Variants in NXPE2 observed in about 807,000 individuals in gnomAD.
NXPE2 encodes the protein NXPE family member 2.
A neutral mutation model predicts 34.4 loss-of-function variants in NXPE2; 34 were observed. That is an observed-to-expected ratio of 0.99 (90% confidence interval 0.75 to 1.31). The LOEUF (loss-of-function observed/expected upper bound fraction) is 1.31. NXPE2 is among the 40% of genes most tolerant of loss of function. NXPE2 has a pLI of 0.00. For missense variants in NXPE2, 649 were observed against 672.5 expected, an observed-to-expected ratio of 0.97 and a Z score of 0.39; for synonymous variants, 235 against 231.3, an observed-to-expected ratio of 1.02 and a Z score of -0.15.
the NXPE2 span, among the ~76,000 whole-genome samples, chr11:114,477,857 A>G: frequency 2.6e-5 from 4 of 151,980 alleles, no homozygotes; most frequent in African/African-American, 9.7e-5. Context: ...TCTTTTTCTT[A>G]GAGCATGGTA....
chr11:114,696,454 C>G (rs1462320358), intron 2 of NXPE2, among the ~76,000 whole-genome samples: 1 of 150,916 alleles, frequency 6.6e-6, no homozygotes, highest in Admixed American at 6.6e-5. Context: ...ATAGATATAC[C>G]ATGCAAATCC....
At chr11:114,468,135 A>T in the NXPE2 span, among the ~76,000 whole-genome samples, 1 of 76,874 alleles carries the variant, frequency 1.3e-5, no homozygotes, top group African/African-American at 5.8e-5. Flanking sequence ...ATGAGCTAAA[A>T]AAAAAAAAAA....
At chr11:114,717,127 C>T in the NXPE2 span, among the ~76,000 whole-genome samples, 1 of 152,140 alleles carries the variant, frequency 6.6e-6, no homozygotes, top group Non-Finnish European at 1.5e-5. Context: ...TTTAGACTGA[C>T]GTACCTGGTT....
chr11:114,510,901 A>G, the NXPE2 span, among the ~76,000 whole-genome samples: 1 of 152,160 alleles, frequency 6.6e-6, no homozygotes, highest in Admixed American at 6.5e-5. Flanking sequence ...AAGGTGTACT[A>G]CTTGGCTCAA....
At chr11:114,650,727 A>G in the NXPE2 span, among the ~76,000 whole-genome samples, 1 of 152,180 alleles carries the variant, frequency 6.6e-6, no homozygotes, top group Non-Finnish European at 1.5e-5. Flanking sequence ...ACCCAAGACC[A>G]ACCATGGATA....
At chr11:114,530,438 C>T in the NXPE2 span, 1,608 of 1,614,200 alleles carry the variant, frequency 1.0e-3, 19 homozygotes, top group Admixed American at 0.02. Flanking sequence ...TCCAGAGAGC[C>T]GACGCCCCTT....
At chr11:114,540,970 A>G in the NXPE2 span, among the ~76,000 whole-genome samples, 1 of 144,478 alleles carries the variant, frequency 6.9e-6, no homozygotes, top group African/African-American at 2.6e-5. Flanking sequence ...AGAGAAGGTC[A>G]TGCCGCAATT....
chr11:114,706,537 C>T lies in NXPE2; in HGVS notation c.1287C>T (p.Asn429=). The T allele has an allele frequency of 6.4e-7, 1 of 1,551,836 alleles. No individual in the cohort carries two copies. The highest frequency in any genetic ancestry group is 8.7e-7 in the Non-Finnish European group (1 of 1,146,996). Reference sequence around the variant, plus strand: ...AATTATTCTCAGTGAAAGATGAAAACTATATCCCACGGGAAATTGACCAGG... The same window carrying T: ...AATTATTCTCAGTGAAAGATGAAAATTATATCCCACGGGAAATTGACCAGG... ...TKKLFSVKDE[N]YIPREIDQVA... Residue 429 remains asparagine, a synonymous_variant, in exon 6 of 6, where the codon AAC becomes AAT. Transcript: ENST00000389586.
chr11:114,788,991 C>T, the NXPE2 span, among the ~76,000 whole-genome samples: 1 of 152,184 alleles, frequency 6.6e-6, no homozygotes, highest in African/African-American at 2.4e-5. Context: ...TTCCCTCAGT[C>T]TTTGCCAATA....
chr11:114,707,024 T>C lies in NXPE2; in HGVS notation c.*94T>C, dbSNP rs944434665. Reference sequence around the variant, plus strand: ...AATGCAATCCAAGTTTTGAGGAAACTAAATTTGAAAAAGTTCTATTAAAGT... The same window carrying C: ...AATGCAATCCAAGTTTTGAGGAAACCAAATTTGAAAAAGTTCTATTAAAGT... On this transcript the variant is annotated 3_prime_UTR_variant, in exon 6 of 6. Transcript: ENST00000389586. 5 of 999,782 alleles carry C rather than the reference T, an allele frequency of 5.0e-6. No individual in the cohort carries two copies. Among genetic ancestry groups the C allele is most frequent in the Admixed American group, 5.8e-5 (2 of 34,262 alleles). 61.9% of individuals were successfully genotyped at this position (999,782 alleles called of 1,614,324 possible).
chr11:114,679,756 C>A lies in NXPE2; in HGVS notation c.126C>A (p.His42Gln). 1 of 1,538,860 alleles carries A rather than the reference C, an allele frequency of 6.5e-7. No individual in the cohort carries two copies. The highest frequency in any genetic ancestry group is 8.8e-7 in the Non-Finnish European group (1 of 1,135,982). Reference sequence around the variant, plus strand: ...TCATTTACTTGGCTTCAAAAGACCACACAAAGGTAGGAAGTTTCATTTTTA... The same window carrying A: ...TCATTTACTTGGCTTCAAAAGACCAAACAAAGGTAGGAAGTTTCATTTTTA... ...FWIIYLASKD[H>Q]TKFSFNLENH... Residue 42 changes from histidine (H) to glutamine (Q), a missense_variant, in exon 2 of 6, where the codon CAC becomes CAA. Coordinates refer to ENST00000389586, the MANE Select transcript of NXPE2 (RefSeq NM_182495.6).
chr11:114,576,975 T>TTATATA, the NXPE2 span, among the ~76,000 whole-genome samples: 1 of 128,164 alleles, frequency 7.8e-6, no homozygotes, highest in Non-Finnish European at 1.6e-5. Flanking sequence ...AAGAAGATGT[T>TTATATA]TATATATATA....
chr11:114,715,191 C>G, the NXPE2 span, among the ~76,000 whole-genome samples: 2 of 152,118 alleles, frequency 1.3e-5, no homozygotes, highest in Non-Finnish European at 2.9e-5. Flanking sequence ...AAAGAATATA[C>G]ACATAAAATA....
At position 114,698,442 on chromosome 11, in the gene NXPE2, T is replaced by A; in HGVS notation, c.530T>A (p.Val177Asp). 6.2e-7 allele frequency: 1 copy of A among 1,613,966 alleles called. No homozygotes were observed. Among genetic ancestry groups the A allele is most frequent in the Non-Finnish European group, 8.5e-7 (1 of 1,179,916 alleles). The part of the protein sequence containing the change: ...VTDFNNGTYL[V>D]SFTLFWEGQV... ...GACTTCAACAACGGCACCTACCTGG[T>A]CAGCTTCACTCTGTTCTGGGAGGGC... The change falls in exon 3 of 6, where the codon GTC (valine) becomes GAC (aspartate). Residue 177 changes from valine to aspartate, a missense_variant. Val to Asp is a radical substitution (Grantham distance 152, BLOSUM62 -3). Coordinates refer to ENST00000389586, the MANE Select transcript of NXPE2 (RefSeq NM_182495.6).
At chr11:114,747,985 G>T in the NXPE2 span, among the ~76,000 whole-genome samples, 1 of 152,042 alleles carries the variant, frequency 6.6e-6, no homozygotes, top group Admixed American at 6.5e-5. Context: ...CCCAGCCCTT[G>T]GTGGCCATCA....
chr11:114,754,368 T>C, the NXPE2 span, among the ~76,000 whole-genome samples: 1 of 152,256 alleles, frequency 6.6e-6, no homozygotes, highest in East Asian at 1.9e-4. Flanking sequence ...ATGGAGGCTA[T>C]GGTACTGTGC....
the NXPE2 span, among the ~76,000 whole-genome samples, chr11:114,794,899 C>T: frequency 1.3e-3 from 186 of 147,150 alleles, no homozygotes; most frequent in African/African-American, 2.9e-3. Flanking sequence ...AGCTGTGAAC[C>T]ATGAAAGCTC....
the NXPE2 span, chr11:114,531,033 G>C: frequency 9.8e-7 from 1 of 1,019,016 alleles, no homozygotes; most frequent in Non-Finnish European, 1.3e-6. Flanking sequence ...TTACCAAATT[G>C]AATATTTGGT....
chr11:114,599,980 G>A, the NXPE2 span, among the ~76,000 whole-genome samples: 15 of 151,900 alleles, frequency 9.9e-5, no homozygotes, highest in East Asian at 2.9e-3. Context: ...AAATAAATGG[G>A]GTAAAATAAA....
Sources: gnomAD v4.1 joint callset for allele counts (sites outside exome capture counted in the v4.1 genomes callset) on GRCh38, gnomAD v4.1.1 for gene constraint, MANE v1.5 for transcripts, NCBI Gene and HGNC (gene_info 2026-07-23, HGNC 2026-07-21) for gene names.